ROR1: variants seen among roughly 807,000 people sequenced by gnomAD.
ROR1 encodes inactive tyrosine-protein kinase transmembrane receptor ROR1.
A neutral mutation model predicts 78.8 loss-of-function variants in ROR1; 19 were observed. That is an observed-to-expected ratio of 0.24 (90% CI 0.17 to 0.35). The LOEUF (loss-of-function observed/expected upper bound fraction) is 0.35, where lower values mean the gene tolerates loss of function less well. ROR1 is among the 10% of genes least tolerant of loss of function. The probability of loss-of-function intolerance (pLI) is 1.00; values close to 1 mark genes in which losing one functional copy is unlikely to be tolerated. For missense variants in ROR1, 917 were observed against 1,177.8 expected, an observed-to-expected ratio of 0.78 and a Z score of 3.24; for synonymous variants, 386 against 433.6, an observed-to-expected ratio of 0.89 and a Z score of 1.36.
chr1:63,834,871 C>G (rs888999781), intron 1 of ROR1, among the ~76,000 whole-genome samples: 1 of 152,054 alleles, frequency 6.6e-6, no homozygotes, highest in Non-Finnish European at 1.5e-5. Flanking sequence ...TTACCGCCAG[C>G]CACTACCTGA....
rs763484363 is a variant in ROR1 at position 64,178,887 on chromosome 1, G to A, written c.*32G>A. On this transcript the variant is annotated 3_prime_UTR_variant, in exon 9 of 9. Transcript: ENST00000371079. The surrounding 1 kb of genome is among the most constrained non-coding windows in gnomAD (Gnocchi z 4.3). ...CAACTTTTGTAAATGTGGTATACAG[G>A]ACAAACTAGACGGCCGTAGAAAAGA... The A allele has an allele frequency of 4.7e-6, 7 of 1,478,202 alleles. No individual in the cohort carries two copies. 91.6% of individuals were successfully genotyped at this position (1,478,202 alleles called of 1,614,324 possible).
At chr1:63,862,205 C>T (rs756965705) in intron 1 of ROR1, among the ~76,000 whole-genome samples, 2 of 151,686 alleles carry the variant, frequency 1.3e-5, no homozygotes, top group Non-Finnish European at 2.9e-5. Flanking sequence ...CCAGCCTAGC[C>T]AACATGGTGA....
chr1:64,081,750 G>T, intron 4 of ROR1, among the ~76,000 whole-genome samples: 1 of 127,100 alleles, frequency 7.9e-6, no homozygotes, highest in African/African-American at 3.5e-5. Flanking sequence ...CAGCCTAGGT[G>T]ACAGCGCGAG....
intron 1 of ROR1, among the ~76,000 whole-genome samples, chr1:63,818,923 A>G (rs1243213202): frequency 2.6e-5 from 4 of 152,192 alleles, no homozygotes; most frequent in East Asian, 1.9e-4. Flanking sequence ...ATTTCTCTGC[A>G]TTTCAAATTA....
chr1:63,993,605 ATTG>A (rs1019800041), intron 1 of ROR1, among the ~76,000 whole-genome samples: 1 of 152,234 alleles, frequency 6.6e-6, no homozygotes, highest in African/African-American at 2.4e-5. Context: ...CATAAATTAT[ATTG>A]TTGTATACAC....
Position 63,809,714 on chromosome 1 carries a change from T to C in ROR1, c.91+35206T>C, listed in dbSNP as rs1644849328. 5.3e-5 allele frequency among the ~76,000 whole-genome samples: 8 copies of C among 152,316 alleles called. No homozygotes were observed. The South Asian group carries it at 1.7e-3, about 32-fold the overall frequency. On this transcript the variant is annotated intron_variant, in intron 1 of 8. Transcript: ENST00000371079. ...AAAGAAAGTTGCTCATGAATATATG[T>C]CACTTCAGGCAAGGGGCATGGGATC...
intron 1 of ROR1, among the ~76,000 whole-genome samples, chr1:63,886,942 C>A (rs1645361392): frequency 6.6e-6 from 1 of 152,120 alleles, no homozygotes; most frequent in African/African-American, 2.4e-5. Flanking sequence ...TGATGTTTTT[C>A]TGCTGTGTAT....
chr1:63,890,600 G>C (rs1645387335), intron 1 of ROR1, among the ~76,000 whole-genome samples: 1 of 151,978 alleles, frequency 6.6e-6, no homozygotes, highest in Non-Finnish European at 1.5e-5. Flanking sequence ...AGGGAGTACT[G>C]AAAGATTTAT....
At chr1:63,847,960 T>G (rs1287940198) in intron 1 of ROR1, among the ~76,000 whole-genome samples, 1 of 152,176 alleles carries the variant, frequency 6.6e-6, no homozygotes, top group Non-Finnish European at 1.5e-5. Context: ...AGAGCAGAGA[T>G]AAAAACAAAA....
chr1:63,919,453 T>C (rs938139598), intron 1 of ROR1, among the ~76,000 whole-genome samples: 58 of 150,800 alleles, frequency 3.8e-4, no homozygotes, highest in African/African-American at 1.3e-3. Context: ...CCCCTAAAGG[T>C]AGAGTTTTCC....
At chr1:63,779,431 G>T (rs1358799730) in intron 1 of ROR1, among the ~76,000 whole-genome samples, 1 of 152,034 alleles carries the variant, frequency 6.6e-6, no homozygotes, top group African/African-American at 2.4e-5. Flanking sequence ...CCTTAGCCTG[G>T]CTTCACCCAT....
intron 1 of ROR1, chr1:63,789,120 C>T (rs963059075): frequency 2.8e-5 from 17 of 610,550 alleles, no homozygotes; most frequent in South Asian, 1.6e-4. Context: ...TTCCTGGCAT[C>T]GAGCCTGGGA....
chr1:64,037,960 C>G (rs1188785421), intron 2 of ROR1, among the ~76,000 whole-genome samples: 2 of 152,124 alleles, frequency 1.3e-5, no homozygotes, highest in East Asian at 1.9e-4. Flanking sequence ...ACCCCCTACT[C>G]TCTCACACCT....
intron 4 of ROR1, among the ~76,000 whole-genome samples, chr1:64,054,156 G>T (rs1249196614): frequency 6.6e-6 from 1 of 152,164 alleles, no homozygotes; most frequent in East Asian, 1.9e-4. Flanking sequence ...GTTTCTCCAT[G>T]TTGGCCGGGC....
At position 64,180,496 on chromosome 1, in the gene ROR1, C is replaced by T. The variant is rs930564794; in HGVS notation, c.*1641C>T. 3 of 152,226 alleles carry T rather than the reference C, an allele frequency of 2.0e-5. No homozygotes were observed. The highest frequency in any genetic ancestry group is 2.1e-4 in the South Asian group (1 of 4,824). 9.4% of individuals were successfully genotyped at this position (152,226 alleles called of 1,614,324 possible). On this transcript the variant is annotated 3_prime_UTR_variant, in exon 9 of 9. Transcript: ENST00000371079. Reference sequence around the variant, plus strand: ...TTTACCAAAATGCATTGCAATTTTCCCAAACCTGAGTCTTCAAATAACAAA... The same window carrying T: ...TTTACCAAAATGCATTGCAATTTTCTCAAACCTGAGTCTTCAAATAACAAA...
intron 2 of ROR1, chr1:64,029,035 A>G (rs2100566604): frequency 6.6e-6 from 1 of 152,280 alleles, no homozygotes; most frequent in African/African-American, 2.4e-5. Flanking sequence ...AGATCATTGA[A>G]CATCCTATAT....
chr1:63,792,303 T>C (rs1019217107), intron 1 of ROR1, among the ~76,000 whole-genome samples: 1 of 152,208 alleles, frequency 6.6e-6, no homozygotes, highest in Admixed American at 6.5e-5. Context: ...TTATAGAGTC[T>C]ATACTGTGTG....
Position 64,177,868 on chromosome 1 carries a change from C to T in ROR1, c.1827C>T (p.His609=). ...IAAGMEYLSS[H]FFVHKDLAAR... ...CTGGCATGGAATACCTGTCTAGTCA[C>T]TTCTTTGTCCACAAGGACCTTGCAG... The change falls in exon 9 of 9, where the codon CAC becomes CAT. Residue 609 remains histidine (H), a synonymous_variant. Transcript: ENST00000371079. 6.2e-7 allele frequency: 1 copy of T among 1,614,174 alleles called. No individual in the cohort carries two copies. The highest frequency in any genetic ancestry group is 1.7e-5 in the Admixed American group (1 of 60,030).
At position 63,920,946 on chromosome 1, in the gene ROR1, G is replaced by C. The variant is rs78750989; in HGVS notation, c.92-88359G>C. Among the ~76,000 whole-genome samples the C allele has an allele frequency of 8.0e-3, 1,218 of 152,308 alleles. 12 individuals are homozygous for C. Among genetic ancestry groups the C allele is most frequent in the African/African-American group, 0.026 (1,068 of 41,564 alleles). Reference sequence around the variant, plus strand: ...GGGCATTTACTCTGTGGGAGACACTGTTCTCAGTGCTTTACATGTCCAAAT... The same window carrying C: ...GGGCATTTACTCTGTGGGAGACACTCTTCTCAGTGCTTTACATGTCCAAAT... On this transcript the variant is annotated intron_variant, in intron 1 of 8. Coordinates refer to ENST00000371079, the MANE Select transcript of ROR1 (RefSeq NM_005012.4).
Sources: allele counts gnomAD v4.1 joint callset (sites outside exome capture counted in the v4.1 genomes callset), GRCh38; gene constraint gnomAD v4.1.1; non-coding constraint Gnocchi (gnomAD v3.1); transcripts MANE v1.5; gene names NCBI Gene and HGNC (gene_info 2026-07-23, HGNC 2026-07-21).